Variants in WDR13 observed in about 807,000 individuals in gnomAD.
The protein encoded by WDR13 is WD repeat domain 13.
A neutral mutation model predicts 28.6 loss-of-function variants in WDR13; 1 was observed. The observed-to-expected ratio is 0.03, with a 90% CI of 0.01 to 0.17. The LOEUF (loss-of-function observed/expected upper bound fraction) is 0.17. Ranked by LOEUF, WDR13 falls within the 10% of genes least tolerant of loss-of-function variation. WDR13 has a pLI of 1.00. For synonymous variants in WDR13, 201 were observed against 185.9 expected, an observed-to-expected ratio of 1.08 and a Z score of -0.66; for missense variants, 264 against 469.3, an observed-to-expected ratio of 0.56 and a Z score of 4.04.
At chrX:48,597,883 A>C (rs782272606) in intron 1 of WDR13, 75 bp from the exon 2 acceptor site, 1 of 1,091,712 alleles carries the variant, frequency 9.2e-7, no homozygotes, top group Admixed American at 3.7e-5. Context: ...GTCTATGGCA[A>C]TGGTCGCCTG....
intron 8 of WDR13, 53 bp downstream of exon 8, chrX:48,602,259 C>T: frequency 8.8e-7 from 1 of 1,141,739 alleles, no homozygotes. Context: ...TCCTCCAGCA[C>T]ACTGGGACAG....
chrX:48,597,793 A>C, intron 1 of WDR13, 165 bp from the exon 2 acceptor site: 1 of 608,709 alleles, frequency 1.6e-6, no homozygotes, highest in Admixed American at 5.2e-5. Flanking sequence ...GGCGCTGCCC[A>C]GGAAGGGCAG....
In WDR13 at chrX:48,605,191, G is replaced by A. The variant is rs1222874337; in HGVS notation, c.*159G>A. 3 of 575,454 alleles carry A rather than the reference G, an allele frequency of 5.2e-6. No homozygotes were observed. Among genetic ancestry groups the A allele is most frequent in the East Asian group, 3.6e-5 (1 of 27,562 alleles). The allele number at this position is 575,454 out of a possible 1,213,427, so 47.4% of individuals were successfully genotyped here. A position where few individuals can be genotyped will look rare whatever the true frequency, so the allele number is the denominator to read the frequency against. On this transcript the variant is annotated 3_prime_UTR_variant, in exon 10 of 10. Transcript: ENST00000376729. ...GGCAGCTCCAGGAACACGGTGGAAC[G>A]GGGTTCATTGACTCATTTGTGCATT...
intron 8 of WDR13, among the ~76,000 whole-genome samples, chrX:48,603,298 G>A (rs1276181444): frequency 8.9e-6 from 1 of 112,033 alleles, no homozygotes; most frequent in Non-Finnish European, 1.9e-5. Context: ...GATTACAGAC[G>A]TGAGCCACCT....
At chrX:48,598,076 C>T (rs2062154823) in intron 2 of WDR13, 39 bp downstream of exon 2, 1 of 1,160,494 alleles carries the variant, frequency 8.6e-7, no homozygotes, top group African/African-American at 1.8e-5. Context: ...GCAGAACTTA[C>T]TGTGGTGCAT....
intron 5 of WDR13, 87 bp downstream of exon 5, chrX:48,599,804 C>T (rs1569488260): frequency 1.8e-6 from 2 of 1,136,665 alleles, no homozygotes; most frequent in Admixed American, 2.3e-5. Flanking sequence ...AATCCAAGGC[C>T]CCTGGCACAC....
Position 48,600,569 on chromosome X carries a change from C to G in WDR13, c.774C>G (p.Pro258=), listed in dbSNP as rs781954624. 5.8e-6 allele frequency: 7 copies of G among 1,211,512 alleles called. No homozygotes were observed. Among genetic ancestry groups the G allele is most frequent in the Admixed American group, 2.2e-5 (1 of 46,015 alleles). Reference sequence around the variant, plus strand: ...GCTGCATCCGAGAGATCCCTGACCCCGATAGCGCTGAACTGCTCTGCTGCA... The same window carrying G: ...GCTGCATCCGAGAGATCCCTGACCCGGATAGCGCTGAACTGCTCTGCTGCA... The part of the protein sequence containing the change: ...DGRCIREIPD[P]DSAELLCCTF... The change falls in exon 6 of 10, where the codon CCC becomes CCG. Residue 258 remains proline (P), a synonymous_variant. Coordinates refer to ENST00000376729, the MANE Select transcript of WDR13 (RefSeq NM_001347217.2).
Position 48,602,659 on chromosome X carries a change from C to G in WDR13, c.1154+453C>G, listed in dbSNP as rs782654215. On this transcript the variant is annotated intron_variant, in intron 8 of 9. Coordinates refer to ENST00000376729, the MANE Select transcript of WDR13 (RefSeq NM_001347217.2). ...GGAATGACCTGAAGAGCTTCAAAAA[C>G]TCCTGTCTGGGCCCCTCTACAGGCC... is the stretch of plus-strand genomic sequence containing the variant. Among the ~76,000 whole-genome samples the G allele has an allele frequency of 8.5e-5, 9 of 106,373 alleles. No individual in the cohort carries two copies. In the South Asian group the frequency reaches 3.5e-3, roughly 42 times the overall value. The allele number at this position is 106,373 out of a possible 115,157, so 92.4% of individuals were successfully genotyped here. A position where few individuals can be genotyped will look rare whatever the true frequency, so the allele number is the denominator to read the frequency against.
chrX:48,598,457 C>G (rs1178148125), intron 2 of WDR13: 23 of 1,025,669 alleles, frequency 2.2e-5, no homozygotes, highest in African/African-American at 5.9e-5. Context: ...TGCGCTGACC[C>G]AGTCACCCCG....
chrX:48,599,487 G>C, intron 4 of WDR13, 25 bp downstream of exon 4: 6 of 1,203,846 alleles, frequency 5.0e-6, no homozygotes, highest in Non-Finnish European at 6.7e-6. Flanking sequence ...CAGCCAAGGC[G>C]GGGGGCGGGT....
rs1209303636 is a variant in WDR13, at chrX:48,606,539, C to G, written c.*1507C>G. Reference sequence around the variant, plus strand: ...GCCCCATCCAGGGTACAAATTCCAGCCCTGGAACAGCTCAGAGACCAAAAA... The same window carrying G: ...GCCCCATCCAGGGTACAAATTCCAGGCCTGGAACAGCTCAGAGACCAAAAA... On this transcript the variant is annotated 3_prime_UTR_variant, in exon 10 of 10. Transcript: ENST00000376729. 1 of 111,029 alleles carries G rather than the reference C, an allele frequency of 9.0e-6. No individual in the cohort carries two copies. The highest frequency in any genetic ancestry group is 2.9e-4 in the East Asian group (1 of 3,496). 9.2% of individuals were successfully genotyped at this position (111,029 alleles called of 1,213,427 possible).
chrX:48,600,230 C>G, intron 5 of WDR13, 89 bp from the exon 6 acceptor site: 1 of 1,052,401 alleles, frequency 9.5e-7, no homozygotes, highest in Admixed American at 3.0e-5. Context: ...AGTGGGGCCC[C>G]AGCCCCAGGC....
intron 3 of WDR13, 150 bp downstream of exon 3, chrX:48,599,107 C>A: frequency 2.2e-6 from 2 of 904,326 alleles, no homozygotes; most frequent in Non-Finnish European, 3.0e-6. Context: ...AGTAAACACA[C>A]AAACTTTGTA....
chrX:48,597,965 CG>C lies in WDR13; in HGVS notation c.-29del, dbSNP rs782072858. On this transcript the variant is annotated 5_prime_UTR_variant, in exon 2 of 10. Transcript: ENST00000376729. Reference sequence around the variant, plus strand: ...CAGGCCCTTGTCCTGCAGGCTGCCGCGGGCGGACACGCCAGAGGAGGAGGCC... The same window carrying C: ...CAGGCCCTTGTCCTGCAGGCTGCCGCGGCGGACACGCCAGAGGAGGAGGCC... 1.4e-4 allele frequency: 161 copies of C among 1,163,036 alleles called. 1 individual carries two copies. The South Asian group carries it at 3.0e-3, about 21-fold the overall frequency.
chrX:48,602,865 G>A (rs782792775), intron 8 of WDR13, among the ~76,000 whole-genome samples: 145 of 110,150 alleles, frequency 1.3e-3, no homozygotes, highest in Non-Finnish European at 2.1e-3. Context: ...TAATTTAAGC[G>A]TACCCTTAAG....
chrX:48,597,991 C>T lies in WDR13; in HGVS notation c.-6C>T. 8.6e-7 allele frequency: 1 copy of T among 1,165,327 alleles called. No individual in the cohort carries two copies. On this transcript the variant is annotated 5_prime_UTR_variant, in exon 2 of 10. Transcript: ENST00000376729. The stretch of plus-strand genomic sequence containing the variant: ...GGGCGGACACGCCAGAGGAGGAGGC[C>T]GGGGAATGGCCGCGGTGTGGCAGCA...
chrX:48,607,405 A>T lies in WDR13; in HGVS notation c.*2373A>T, dbSNP rs782467085. On this transcript the variant is annotated 3_prime_UTR_variant, in exon 10 of 10. Transcript: ENST00000376729. ...GCGGGGGGGGGGGGGTCTTGCTCTG[A>T]CGCCCAGGCTGGAATGCAGTGGCAT... 2.9e-5 allele frequency: 2 copies of T among 68,567 alleles called. No individual in the cohort carries two copies. Among genetic ancestry groups the T allele is most frequent in the Non-Finnish European group, 5.2e-5 (2 of 38,531 alleles). 5.7% of individuals were successfully genotyped at this position (68,567 alleles called of 1,213,427 possible).
At chrX:48,598,375 A>C in intron 2 of WDR13, 1 of 1,000,002 alleles carries the variant, frequency 1.0e-6, no homozygotes, top group East Asian at 4.4e-5. Flanking sequence ...TGACCCCATC[A>C]CCTCCCAACG....
intron 2 of WDR13, chrX:48,598,386 C>T (rs782713150): frequency 4.0e-6 from 4 of 1,010,408 alleles, no homozygotes; most frequent in South Asian, 6.0e-5. Context: ...CCTCCCAACG[C>T]TGACCCCCAT....
Sources: allele counts gnomAD v4.1 joint callset (sites outside exome capture counted in the v4.1 genomes callset), GRCh38; gene constraint gnomAD v4.1.1; transcripts MANE v1.5; gene names NCBI Gene and HGNC (gene_info 2026-07-23, HGNC 2026-07-21).